LIMS1: variants seen among roughly 807,000 people sequenced by gnomAD.
The protein encoded by LIMS1 is LIM and senescent cell antigen-like-containing domain protein 1.
Under a neutral mutation model 44.1 loss-of-function variants are expected in LIMS1, and 18 were observed. The observed-to-expected ratio is 0.41, with a 90% confidence interval of 0.28 to 0.61. LIMS1 has a LOEUF of 0.61. LIMS1 is among the 20% of genes least tolerant of loss of function. The pLI, the probability that LIMS1 is intolerant of heterozygous loss-of-function variation, is 0.32. For missense variants in LIMS1, 201 were observed against 422.0 expected (o/e 0.48, Z 4.59); for synonymous variants, 93 against 149.1 (o/e 0.62, Z 2.74).
At chr2:108,549,386 C>G (rs1440477458) in intron 1 of LIMS1, among the ~76,000 whole-genome samples, 1 of 133,214 alleles carries the variant, frequency 7.5e-6, no homozygotes, top group African/African-American at 2.8e-5. Flanking sequence ...CCTCTGCCTC[C>G]TGGGTTCAAG....
chr2:108,648,125 T>TA (rs1167060026), intron 1 of LIMS1, among the ~76,000 whole-genome samples: 1 of 152,176 alleles, frequency 6.6e-6, no homozygotes, highest in Non-Finnish European at 1.5e-5. Flanking sequence ...ATTCTCCAGA[T>TA]ACAAAATCAA....
At chr2:108,596,799 A>G (rs1466577195) in intron 1 of LIMS1, among the ~76,000 whole-genome samples, 1 of 152,160 alleles carries the variant, frequency 6.6e-6, no homozygotes, top group Non-Finnish European at 1.5e-5. Context: ...CAGCCTGGAC[A>G]ACAAGAGCAA....
intron 1 of LIMS1, among the ~76,000 whole-genome samples, chr2:108,561,236 GTA>G: frequency 6.6e-6 from 1 of 152,338 alleles, no homozygotes; most frequent in South Asian, 2.1e-4. Context: ...CACCAGCAGT[GTA>G]TAGTGTTCCT....
chr2:108,622,036 T>G (rs1008450117), intron 1 of LIMS1, among the ~76,000 whole-genome samples: 1 of 152,112 alleles, frequency 6.6e-6, no homozygotes, highest in African/African-American at 2.4e-5. Context: ...ACAATTTTAT[T>G]TTTTTGTTGC....
chr2:108,569,707 T>C (rs1403850530), intron 1 of LIMS1, among the ~76,000 whole-genome samples: 1 of 150,120 alleles, frequency 6.7e-6, no homozygotes, highest in Non-Finnish European at 1.5e-5. Context: ...GGAATCCTCC[T>C]ACCTTAGCCT....
rs1014247206 is a variant in LIMS1 at position 108,618,120 on chromosome 2, G to A, written c.33-41485G>A. Among the ~76,000 whole-genome samples, 38 of 152,276 alleles carry A rather than the reference G, an allele frequency of 2.5e-4. 1 individual carries two copies. The highest frequency in any genetic ancestry group is 2.2e-3 in the Admixed American group (34 of 15,306). The stretch of plus-strand genomic sequence containing the variant: ...TATTGTATAGGGATGAGGCCATGGG[G>A]AAAATGACGGTGGGGAATTCTGCAT... On this transcript the variant is annotated intron_variant, in intron 1 of 9. Transcript: ENST00000544547.
chr2:108,598,310 A>G (rs1225063524), intron 1 of LIMS1, among the ~76,000 whole-genome samples: 1 of 152,158 alleles, frequency 6.6e-6, no homozygotes, highest in Non-Finnish European at 1.5e-5. Context: ...TTTATAAACG[A>G]ATTTGTGTCA....
At chr2:108,675,991 G>A (rs377342624) in exon 6 of LIMS1, 3 of 1,614,004 alleles carry the variant, frequency 1.9e-6, no homozygotes, top group Non-Finnish European at 1.7e-6. Flanking sequence ...ATCGAAGGGC[G>A]CGTGGTGAAC....
exon 10 of LIMS1, chr2:108,685,985 C>T (rs1477040121): frequency 6.6e-6 from 1 of 152,188 alleles, no homozygotes; most frequent in Non-Finnish European, 1.5e-5. Flanking sequence ...CCAGGCATCT[C>T]CTGCAGCCAG....
intron 9 of LIMS1, among the ~76,000 whole-genome samples, chr2:108,682,635 A>G (rs1265251701): frequency 6.6e-6 from 1 of 152,236 alleles, no homozygotes; most frequent in Non-Finnish European, 1.5e-5. Context: ...CTTGGGAGAA[A>G]AGCCGTAAAG....
At chr2:108,649,314 G>A (rs1287746032) in intron 1 of LIMS1, among the ~76,000 whole-genome samples, 32 of 152,190 alleles carry the variant, frequency 2.1e-4, no homozygotes. Context: ...TCATTAAAAA[G>A]TCAGGAAACA....
intron 1 of LIMS1, among the ~76,000 whole-genome samples, chr2:108,599,568 T>C (rs539787552): frequency 2.2e-4 from 33 of 152,352 alleles, no homozygotes; most frequent in African/African-American, 7.9e-4. Flanking sequence ...GATCCTATGG[T>C]AGCTCTATTT....
At chr2:108,641,516 ATTG>A (rs921677776) in intron 1 of LIMS1, among the ~76,000 whole-genome samples, 3 of 152,164 alleles carry the variant, frequency 2.0e-5, no homozygotes, top group African/African-American at 7.2e-5. Context: ...TCATTTCATT[ATTG>A]TTAGGTGATA....
chr2:108,579,610 A>G (rs1314938612), intron 1 of LIMS1, among the ~76,000 whole-genome samples: 2 of 152,242 alleles, frequency 1.3e-5, no homozygotes, highest in Admixed American at 6.5e-5. Flanking sequence ...AAATACATTT[A>G]TTTTTAAACT....
chr2:108,613,444 G>A (rs1385602199), intron 1 of LIMS1, among the ~76,000 whole-genome samples: 1 of 152,078 alleles, frequency 6.6e-6, no homozygotes, highest in Non-Finnish European at 1.5e-5. Context: ...TAGCAGTGTG[G>A]GTGCTTCCTG....
At chr2:108,589,325 T>C (rs887825676) in intron 1 of LIMS1, among the ~76,000 whole-genome samples, 2 of 152,182 alleles carry the variant, frequency 1.3e-5, no homozygotes, top group African/African-American at 4.8e-5. Flanking sequence ...ATCTCAAATA[T>C]CACTTTTTCG....
intron 1 of LIMS1, among the ~76,000 whole-genome samples, chr2:108,540,213 T>TG (rs1684273221): frequency 6.8e-6 from 1 of 148,014 alleles, no homozygotes; most frequent in Non-Finnish European, 1.5e-5. Context: ...TTTTTTTTTT[T>TG]TTTGAGACGG....
intron 9 of LIMS1, chr2:108,681,213 C>G: frequency 8.0e-7 from 1 of 1,252,188 alleles, no homozygotes. Context: ...GCTTTCTTCC[C>G]CCCCTGCAAC....
At chr2:108,549,536 TAGG>T (rs1414067239) in intron 1 of LIMS1, among the ~76,000 whole-genome samples, 1 of 151,952 alleles carries the variant, frequency 6.6e-6, no homozygotes, top group Admixed American at 6.6e-5. Context: ...CTTTCTCCAT[TAGG>T]AGGCAATGCA....
Sources: allele counts gnomAD v4.1 joint callset (sites outside exome capture counted in the v4.1 genomes callset), GRCh38; gene constraint gnomAD v4.1.1; transcripts MANE v1.5; gene names NCBI Gene and HGNC (gene_info 2026-07-23, HGNC 2026-07-21).